Variants in THSD7B observed in about 807,000 individuals in gnomAD.
The protein encoded by THSD7B is thrombospondin type-1 domain-containing protein 7B.
Under a neutral mutation model 213.6 loss-of-function variants are expected in THSD7B, and 138 were observed. That is an observed-to-expected ratio of 0.65 (90% CI 0.56 to 0.74). The LOEUF (loss-of-function observed/expected upper bound fraction) is 0.74. Ranked by LOEUF, THSD7B falls within the 30% of genes least tolerant of loss-of-function variation. The probability of loss-of-function intolerance (pLI) is 0.00; values close to 1 mark genes in which losing one functional copy is unlikely to be tolerated. For synonymous variants in THSD7B, 742 were observed against 687.0 expected, an observed-to-expected ratio of 1.08 and a Z score of -1.25; for missense variants, 1,931 against 1,991.5, an observed-to-expected ratio of 0.97 and a Z score of 0.58.
At chr2:137,307,459 A>G (rs191570625) in intron 12 of THSD7B, among the ~76,000 whole-genome samples, 1 of 152,260 alleles carries the variant, frequency 6.6e-6, no homozygotes, top group Admixed American at 6.5e-5. Flanking sequence ...CTGTGAATCA[A>G]TACGAATTTC....
chr2:137,066,132 C>T (rs1358182181), intron 3 of THSD7B, among the ~76,000 whole-genome samples: 1 of 150,206 alleles, frequency 6.7e-6, no homozygotes, highest in Non-Finnish European at 1.5e-5. Flanking sequence ...CTTTATTTCT[C>T]CTTTATTTTT....
intron 12 of THSD7B, among the ~76,000 whole-genome samples, chr2:137,310,023 G>GT (rs1683855523): frequency 6.6e-6 from 1 of 151,310 alleles, no homozygotes; most frequent in Non-Finnish European, 1.5e-5. Context: ...TATATACCCA[G>GT]TAATGGGATG....
chr2:137,266,577 T>C (rs144628947), intron 10 of THSD7B, among the ~76,000 whole-genome samples: 3 of 152,276 alleles, frequency 2.0e-5, no homozygotes, highest in East Asian at 1.9e-4. Context: ...TGAAGCATAA[T>C]AGACCACTGA....
chr2:137,452,141 T>G (rs1422349284), intron 15 of THSD7B: 1 of 458,568 alleles, frequency 2.2e-6, no homozygotes, highest in Non-Finnish European at 2.9e-6. Context: ...AAAAAAAAAT[T>G]CAACAAGATA....
At chr2:136,914,984 A>G (rs1365960269) in intron 2 of THSD7B, among the ~76,000 whole-genome samples, 1 of 152,222 alleles carries the variant, frequency 6.6e-6, no homozygotes, top group Non-Finnish European at 1.5e-5. Flanking sequence ...AATTTTAAAG[A>G]TGGCATTTTA....
At chr2:137,266,341 C>G (rs1172631707) in intron 10 of THSD7B, among the ~76,000 whole-genome samples, 2 of 152,170 alleles carry the variant, frequency 1.3e-5, no homozygotes, top group East Asian at 3.8e-4. Flanking sequence ...AGGGTTGCAA[C>G]TCAACCCTAG....
chr2:137,029,929 G>T (rs1221363147), intron 2 of THSD7B, among the ~76,000 whole-genome samples: 1 of 152,116 alleles, frequency 6.6e-6, no homozygotes. Flanking sequence ...GAGCTAATAG[G>T]GAAGAGGTAT....
chr2:136,889,214 A>T (rs1432178135), intron 2 of THSD7B, among the ~76,000 whole-genome samples: 1 of 152,210 alleles, frequency 6.6e-6, no homozygotes, highest in Non-Finnish European at 1.5e-5. Flanking sequence ...TCACATAGTT[A>T]AAGATTTAAA....
At chr2:137,214,921 T>A (rs1041249800) in intron 7 of THSD7B, among the ~76,000 whole-genome samples, 11 of 152,224 alleles carry the variant, frequency 7.2e-5, no homozygotes, top group Non-Finnish European at 1.3e-4. Flanking sequence ...TATAGCAGCA[T>A]GATTTATAAT....
intron 15 of THSD7B, among the ~76,000 whole-genome samples, chr2:137,497,428 A>T (rs1679596076): frequency 6.6e-6 from 1 of 152,106 alleles, no homozygotes; most frequent in Admixed American, 6.6e-5. Flanking sequence ...TCTTCCCTGA[A>T]ATCTATATTA....
chr2:137,387,657 A>G (rs1437055190), intron 12 of THSD7B, among the ~76,000 whole-genome samples: 3 of 152,200 alleles, frequency 2.0e-5, no homozygotes, highest in Non-Finnish European at 4.4e-5. Flanking sequence ...AAAGAACCAA[A>G]AAAGAAATAT....
intron 12 of THSD7B, among the ~76,000 whole-genome samples, chr2:137,284,546 A>T (rs969840264): frequency 9.9e-5 from 15 of 151,996 alleles, no homozygotes; most frequent in Admixed American, 2.6e-4. Context: ...TAGTGCTATA[A>T]ATTTCCCTCT....
Position 136,840,294 on chromosome 2 carries a change from A to G in THSD7B, c.-35-41850A>G, listed in dbSNP as rs566455524. The stretch of plus-strand genomic sequence containing the variant: ...CTCAGGAGGCTGAGGCAGGAGAATC[A>G]CTTGAACCCTGGAGGTGGAGGTTGC... On this transcript the variant is annotated intron_variant, in intron 1 of 27. Coordinates refer to ENST00000409968, the MANE Select transcript of THSD7B (RefSeq NM_001316349.2). 8.2e-4 allele frequency among the ~76,000 whole-genome samples: 125 copies of G among 152,168 alleles called. 1 individual carries two copies. The highest frequency in any genetic ancestry group is 1.9e-3 in the South Asian group (9 of 4,818).
chr2:136,840,726 G>A (rs1682908602), intron 1 of THSD7B, among the ~76,000 whole-genome samples: 1 of 152,162 alleles, frequency 6.6e-6, no homozygotes, highest in Non-Finnish European at 1.5e-5. Flanking sequence ...TATGATCCAA[G>A]TTATATTCCA....
chr2:137,379,643 C>T (rs1291375582), intron 12 of THSD7B, among the ~76,000 whole-genome samples: 1 of 152,192 alleles, frequency 6.6e-6, no homozygotes, highest in African/African-American at 2.4e-5. Flanking sequence ...ATCTCTTCTA[C>T]TTACAGATGT....
chr2:137,081,019 G>A (rs1687738671), intron 3 of THSD7B, among the ~76,000 whole-genome samples: 1 of 152,088 alleles, frequency 6.6e-6, no homozygotes, highest in Non-Finnish European at 1.5e-5. Flanking sequence ...TCTTGAAAAT[G>A]TTACTCTGTT....
At chr2:137,265,932 A>G (rs941590172) in intron 10 of THSD7B, among the ~76,000 whole-genome samples, 18 of 152,214 alleles carry the variant, frequency 1.2e-4, no homozygotes, top group Admixed American at 1.1e-3. Flanking sequence ...TAATATGAGA[A>G]CATGGTTATA....
chr2:136,772,752 G>T (rs1287838954), intron 1 of THSD7B, among the ~76,000 whole-genome samples: 1 of 152,136 alleles, frequency 6.6e-6, no homozygotes, highest in Non-Finnish European at 1.5e-5. Context: ...CTTGGTCAAA[G>T]AGGACAACTT....
At chr2:136,872,423 A>G (rs1393549408) in intron 1 of THSD7B, among the ~76,000 whole-genome samples, 1 of 151,472 alleles carries the variant, frequency 6.6e-6, no homozygotes, top group Non-Finnish European at 1.5e-5. Flanking sequence ...TGGATAAGGG[A>G]ACTCTCCATA....
Sources: allele counts gnomAD v4.1 joint callset (sites outside exome capture counted in the v4.1 genomes callset), GRCh38; gene constraint gnomAD v4.1.1; transcripts MANE v1.5; gene names NCBI Gene and HGNC (gene_info 2026-07-23, HGNC 2026-07-21).